The following SMOX variants were observed in gnomAD, a reference collection of about 807,000 sequenced individuals.
SMOX encodes the protein flavin containing amine oxidase.
In SMOX, 22 loss-of-function variants were observed where a neutral mutation model predicts 51.0. That is an observed-to-expected ratio of 0.43 (90% confidence interval 0.31 to 0.62). The LOEUF is 0.62. Ranked by LOEUF, SMOX falls within the 20% of genes least tolerant of loss-of-function variation. The pLI, the probability that SMOX is intolerant of heterozygous loss-of-function variation, is 0.10. For missense variants in SMOX, 566 were observed against 777.7 expected, an observed-to-expected ratio of 0.73 and a Z score of 3.24; for synonymous variants, 282 against 307.8, an observed-to-expected ratio of 0.92 and a Z score of 0.88.
At position 4,177,066 on chromosome 20, in the gene SMOX, G is replaced by C. The variant is rs1978916209; in HGVS notation, c.209-285G>C. Among the ~76,000 whole-genome samples the C allele has an allele frequency of 6.6e-6, 1 of 152,164 alleles. No individual in the cohort carries two copies. The highest frequency in any genetic ancestry group is 6.5e-5 in the Admixed American group (1 of 15,278). On this transcript the variant is annotated intron_variant, in intron 2 of 6. Coordinates refer to ENST00000305958, the MANE Select transcript of SMOX (RefSeq NM_175839.3). This position sits in a 1 kb window ranked among gnomAD's most constrained non-coding sequence, Gnocchi z 4.3. Reference sequence around the variant, plus strand: ...GGGTCTGATATCTGGTGTTACCTGAGAAAAAGGTGGGACGGAAAAAGAAGA... The same window carrying C: ...GGGTCTGATATCTGGTGTTACCTGACAAAAAGGTGGGACGGAAAAAGAAGA...
chr20:4,173,795 G>C lies in SMOX; in HGVS notation c.-26-1235G>C, dbSNP rs143022824. ...ATCTAAATTGCTTGAATCAGGGAAGGAACAGGGACAGCATCTGAGCTGAGT... is the reference window on the plus strand; with the variant it reads ...ATCTAAATTGCTTGAATCAGGGAAGCAACAGGGACAGCATCTGAGCTGAGT... On this transcript the variant is annotated intron_variant, in intron 1 of 6. Coordinates refer to ENST00000305958, the MANE Select transcript of SMOX (RefSeq NM_175839.3). Among the ~76,000 whole-genome samples the C allele has an allele frequency of 3.9e-5, 6 of 152,366 alleles. No homozygotes were observed. The East Asian group carries it at 1.2e-3, about 29-fold the overall frequency.
intron 6 of SMOX, chr20:4,186,600 A>T (rs1390748930): frequency 9.5e-6 from 6 of 632,680 alleles, no homozygotes; most frequent in Non-Finnish European, 1.4e-5. Flanking sequence ...GAACCAGTTC[A>T]AAGGTCCTGT....
Position 4,183,342 on chromosome 20 carries a change from C to A in SMOX, c.1370-152C>A. 1 of 1,156,784 alleles carries A rather than the reference C, an allele frequency of 8.6e-7. No individual in the cohort carries two copies. The highest frequency in any genetic ancestry group is 1.3e-6 in the Non-Finnish European group (1 of 789,358). 71.7% of individuals were successfully genotyped at this position (1,156,784 alleles called of 1,614,324 possible). A position where few individuals can be genotyped will look rare whatever the true frequency, so the allele number is the denominator to read the frequency against. ...GTACACAGCTCGAGCCCCAGCCTCC[C>A]TCCTTCCTCTTCTATCCTCCGTGCC... On this transcript the variant is annotated intron_variant, in intron 5 of 6. Coordinates refer to ENST00000305958, the MANE Select transcript of SMOX (RefSeq NM_175839.3). This position sits in a 1 kb window ranked among gnomAD's most constrained non-coding sequence, Gnocchi z 4.3.
chr20:4,163,964 G>A (rs1311265012), intron 1 of SMOX, among the ~76,000 whole-genome samples: 3 of 152,202 alleles, frequency 2.0e-5, no homozygotes, highest in East Asian at 1.9e-4. Flanking sequence ...ACCAAGGCAC[G>A]AATCCCAGGA....
chr20:4,172,755 C>CT lies in SMOX; in HGVS notation c.-26-2274dup, dbSNP rs1198804911. 3.2e-5 allele frequency among the ~76,000 whole-genome samples: 4 copies of CT among 125,164 alleles called. No individual in the cohort carries two copies. The highest frequency in any genetic ancestry group is 6.5e-5 in the Non-Finnish European group (4 of 61,344). The allele number at this position is 125,164 out of a possible 152,430, so 82.1% of individuals were successfully genotyped here. A position where few individuals can be genotyped will look rare whatever the true frequency, so the allele number is the denominator to read the frequency against. On this transcript the variant is annotated intron_variant, in intron 1 of 6. Transcript: ENST00000305958. The surrounding 1 kb of genome is among the most constrained non-coding windows in gnomAD (Gnocchi z 7.7). ...CCGATTCTGCACGGAGTTGGCGGGC[C>CT]TGGGTCTCAGGGGGACTTGGAGGGA...
At position 4,181,727 on chromosome 20, in the gene SMOX, GGTTTGGGTTGGGGGCCTTCT is replaced by G. The variant is rs372233743; in HGVS notation, c.436-70_436-51del. 3.9e-6 allele frequency: 6 copies of G among 1,538,890 alleles called. No homozygotes were observed. The highest frequency in any genetic ancestry group is 5.3e-6 in the Non-Finnish European group (6 of 1,132,220). On this transcript the variant is annotated intron_variant, in intron 3 of 6. Transcript: ENST00000305958. This position sits in a 1 kb window ranked among gnomAD's most constrained non-coding sequence, Gnocchi z 5.6. ...TCCAGGGGACACCTGGGAACTGGTG[GGTTTGGGTTGGGGGCCTTCT>G]GTTTGAGATGGAGGTGTGATGAGGT...
At chr20:4,178,394 A>C (rs1372268685) in intron 3 of SMOX, among the ~76,000 whole-genome samples, 1 of 152,248 alleles carries the variant, frequency 6.6e-6, no homozygotes, top group Non-Finnish European at 1.5e-5. Context: ...TGGATAGCAC[A>C]GCTGTAGACA....
intron 2 of SMOX, 123 bp downstream of exon 2, chr20:4,175,386 C>T (rs1317085932): frequency 6.7e-6 from 8 of 1,187,894 alleles, no homozygotes; most frequent in Non-Finnish European, 9.3e-6. Flanking sequence ...TGCATCCTGC[C>T]TGGGCATTTT....
Position 4,172,815 on chromosome 20 carries a change from G to A in SMOX, c.-26-2215G>A, listed in dbSNP as rs1302053241. On this transcript the variant is annotated intron_variant, in intron 1 of 6. Coordinates refer to ENST00000305958, the MANE Select transcript of SMOX (RefSeq NM_175839.3). This position sits in a 1 kb window ranked among gnomAD's most constrained non-coding sequence, Gnocchi z 7.7. ...CTGGAGGGTGGGTGGGTGGGAGGGG[G>A]GGTGGTGGAGGGAGGATTCCCGTCC... Among the ~76,000 whole-genome samples the A allele has an allele frequency of 6.7e-6, 1 of 150,320 alleles. No individual in the cohort carries two copies. The highest frequency in any genetic ancestry group is 2.5e-5 in the African/African-American group (1 of 40,784).
intron 1 of SMOX, among the ~76,000 whole-genome samples, chr20:4,160,092 C>T (rs1420225224): frequency 6.6e-6 from 1 of 152,142 alleles, no homozygotes; most frequent in Non-Finnish European, 1.5e-5. Flanking sequence ...AGGAGGAGAT[C>T]GAGGGTGAAG....
Position 4,182,563 on chromosome 20 carries a change from A to G in SMOX, c.1084A>G (p.Ile362Val), listed in dbSNP as rs1979419771. The change falls in exon 5 of 7, where the codon ATT (isoleucine) becomes GTT (valine). Residue 362 changes from isoleucine to valine, a missense_variant. Ile to Val is a conservative substitution (Grantham distance 29). This residue lies in a region of SMOX where 347 missense variants were observed against 481.8 expected (regional missense o/e 0.72). Coordinates refer to ENST00000305958, the MANE Select transcript of SMOX (RefSeq NM_175839.3). The surrounding 1 kb of genome is among the most constrained non-coding windows in gnomAD (Gnocchi z 8.4). Reference protein sequence around the residue: ...EKVAAIHRLGIGTTDKIFLEF... With the variant: ...EKVAAIHRLGVGTTDKIFLEF... Reference sequence around the variant, plus strand: ...GGTGGCTGCCATCCACCGCCTGGGCATTGGCACCACCGACAAGATCTTTCT... The same window carrying G: ...GGTGGCTGCCATCCACCGCCTGGGCGTTGGCACCACCGACAAGATCTTTCT... The G allele has an allele frequency of 6.2e-7, 1 of 1,613,898 alleles. No individual in the cohort carries two copies.
chr20:4,183,375 G>C lies in SMOX; in HGVS notation c.1370-119G>C, dbSNP rs1979496227. On this transcript the variant is annotated intron_variant, in intron 5 of 6. Coordinates refer to ENST00000305958, the MANE Select transcript of SMOX (RefSeq NM_175839.3). This position sits in a 1 kb window ranked among gnomAD's most constrained non-coding sequence, Gnocchi z 4.3. ...TCTTCTATCCTCCGTGCCTACCCCTGGCAGTCTGGTCCTCCCGGAGCCCTG... is the reference window on the plus strand; with the variant it reads ...TCTTCTATCCTCCGTGCCTACCCCTCGCAGTCTGGTCCTCCCGGAGCCCTG... 6.9e-7 allele frequency: 1 copy of C among 1,452,378 alleles called. No individual in the cohort carries two copies. 90.0% of individuals were successfully genotyped at this position (1,452,378 alleles called of 1,614,324 possible). A position where few individuals can be genotyped will look rare whatever the true frequency, so the allele number is the denominator to read the frequency against.
intron 1 of SMOX, among the ~76,000 whole-genome samples, chr20:4,164,065 G>A (rs1262809365): frequency 1.3e-5 from 2 of 152,130 alleles, no homozygotes; most frequent in African/African-American, 4.8e-5. Context: ...TAGCCTGGGA[G>A]CTCCAAGCAC....
Position 4,149,572 on chromosome 20 carries a change from C to G in SMOX, c.-27+595C>G, listed in dbSNP as rs375976099. Reference sequence around the variant, plus strand: ...CTCTTAAGGGCCAACTAGGGGCTCACGGGTTGTCCCGGGCTTGGCGGGAGC... The same window carrying G: ...CTCTTAAGGGCCAACTAGGGGCTCAGGGGTTGTCCCGGGCTTGGCGGGAGC... On this transcript the variant is annotated intron_variant, in intron 1 of 6. Transcript: ENST00000305958. This position sits in a 1 kb window ranked among gnomAD's most constrained non-coding sequence, Gnocchi z 6.0. Among the ~76,000 whole-genome samples the G allele has an allele frequency of 3.1e-4, 47 of 152,240 alleles. No homozygotes were observed. In the East Asian group the frequency reaches 4.1e-3, roughly 13 times the overall value.
At chr20:4,180,012 C>T (rs772369472) in intron 3 of SMOX, among the ~76,000 whole-genome samples, 8 of 152,192 alleles carry the variant, frequency 5.3e-5, no homozygotes, top group Non-Finnish European at 1.0e-4. Context: ...CATTACTCCT[C>T]AGCTGGGCAT....
At chr20:4,161,013 C>T (rs1038201040) in intron 1 of SMOX, among the ~76,000 whole-genome samples, 1 of 152,210 alleles carries the variant, frequency 6.6e-6, no homozygotes, top group African/African-American at 2.4e-5. Flanking sequence ...GGAACTGCGC[C>T]CGGCTGAGCT....
chr20:4,176,711 C>T (rs1419585128), intron 2 of SMOX, among the ~76,000 whole-genome samples: 1 of 152,124 alleles, frequency 6.6e-6, no homozygotes, highest in Non-Finnish European at 1.5e-5. Flanking sequence ...GGGTAGTAGA[C>T]CTAGTTCCCA....
At chr20:4,161,673 C>T (rs1196173436) in intron 1 of SMOX, among the ~76,000 whole-genome samples, 1 of 152,160 alleles carries the variant, frequency 6.6e-6, no homozygotes, top group African/African-American at 2.4e-5. Context: ...AGGAGGCCTT[C>T]CCTGACGCCC....
At position 4,187,255 on chromosome 20, in the gene SMOX, ATCC is replaced by A. The variant is rs1247902621; in HGVS notation, c.1531-14_1531-12del. The A allele has an allele frequency of 6.2e-7, 1 of 1,607,208 alleles. No homozygotes were observed. Among genetic ancestry groups the A allele is most frequent in the Non-Finnish European group, 8.5e-7 (1 of 1,175,736 alleles). ...GCTGCTCCTCCACCCTGACCTCCCC[ATCC>A]CCGCCCCGCAGCCCATGCAGGTGCT... On this transcript the variant is annotated splice_polypyrimidine_tract_variant and intron_variant, in intron 6 of 6. Coordinates refer to ENST00000305958, the MANE Select transcript of SMOX (RefSeq NM_175839.3). The surrounding 1 kb of genome is among the most constrained non-coding windows in gnomAD (Gnocchi z 4.8).
Sources: allele counts gnomAD v4.1 joint callset (sites outside exome capture counted in the v4.1 genomes callset), GRCh38; gene constraint gnomAD v4.1.1; regional missense constraint gnomAD v4.1.1; non-coding constraint Gnocchi (gnomAD v3.1); transcripts MANE v1.5; gene names NCBI Gene and HGNC (gene_info 2026-07-23, HGNC 2026-07-21).